Variants in CDKL5 observed in about 807,000 individuals in gnomAD.
CDKL5 encodes the protein cyclin-dependent kinase-like 5.
Under a neutral mutation model 61.7 loss-of-function variants are expected in CDKL5, and 8 were observed. The ratio of observed to expected loss-of-function variants is 0.13; its 90% CI spans 0.08 to 0.23. The LOEUF (loss-of-function observed/expected upper bound fraction) is 0.23, where lower values mean the gene tolerates loss of function less well. Among genes scored for constraint, CDKL5 ranks in the 10% least tolerant of loss-of-function variants. The pLI is 1.00. For synonymous variants in CDKL5, 275 were observed against 272.3 expected (o/e 1.01, Z -0.10); for missense variants, 440 against 734.5 (o/e 0.60, Z 4.63).
At chrX:18,447,405 C>T (rs1416511067) in intron 1 of CDKL5, among the ~76,000 whole-genome samples, 1 of 111,773 alleles carries the variant, frequency 8.9e-6, no homozygotes, top group Non-Finnish European at 1.9e-5. Context: ...CTCACTGAAA[C>T]TTCTGAAAGA....
intron 2 of CDKL5, among the ~76,000 whole-genome samples, chrX:18,507,953 A>C (rs1922645555): frequency 9.0e-6 from 1 of 111,517 alleles, no homozygotes; most frequent in Non-Finnish European, 1.9e-5. Flanking sequence ...ATAGTACATA[A>C]AATAATGCTC....
intron 16 of CDKL5, chrX:18,624,078 T>G: frequency 2.1e-6 from 1 of 485,522 alleles, no homozygotes; most frequent in South Asian, 1.1e-4. Flanking sequence ...GCATGTCTTA[T>G]TTTCATGAGG....
chrX:18,587,738 T>C (rs1925687172), intron 8 of CDKL5: 4 of 429,719 alleles, frequency 9.3e-6, no homozygotes, highest in Middle Eastern at 6.5e-4. Flanking sequence ...AATTAGTGTA[T>C]ACTAACTAAA....
intron 1 of CDKL5, among the ~76,000 whole-genome samples, chrX:18,471,541 G>A (rs1334502740): frequency 9.1e-6 from 1 of 109,388 alleles, no homozygotes; most frequent in Admixed American, 9.9e-5. Context: ...CCCAGCTAAT[G>A]TTTGTAATTT....
At chrX:18,441,552 TG>T (rs1381750665) in intron 1 of CDKL5, among the ~76,000 whole-genome samples, 1 of 111,504 alleles carries the variant, frequency 9.0e-6, no homozygotes, top group Non-Finnish European at 1.9e-5. Context: ...TGGGTGGTGG[TG>T]GGGGGGCTTA....
chrX:18,463,005 C>G (rs1387614072), intron 1 of CDKL5, among the ~76,000 whole-genome samples: 1 of 110,221 alleles, frequency 9.1e-6, no homozygotes, highest in South Asian at 3.9e-4. Context: ...GCCTGGGTGA[C>G]GGAGCAAGAC....
At chrX:18,545,289 G>A (rs1202781269) in intron 3 of CDKL5, among the ~76,000 whole-genome samples, 1 of 111,184 alleles carries the variant, frequency 9.0e-6, no homozygotes, top group Non-Finnish European at 1.9e-5. Context: ...TTTTTGTTTG[G>A]TTGCTTAGGG....
intron 1 of CDKL5, among the ~76,000 whole-genome samples, chrX:18,454,612 A>G (rs894638685): frequency 9.1e-6 from 1 of 110,266 alleles, no homozygotes; most frequent in African/African-American, 3.3e-5. Context: ...GCTGGAGCGC[A>G]GTGGCGTGAT....
rs111970258 is a variant in CDKL5, at chrX:18,566,227, C to T, written c.145+1705C>T. 7.6e-3 allele frequency among the ~76,000 whole-genome samples: 852 copies of T among 112,036 alleles called. 7 individuals are homozygous for T. Among genetic ancestry groups the T allele is most frequent in the African/African-American group, 0.026 (799 of 30,871 alleles). On this transcript the variant is annotated intron_variant, in intron 4 of 17. Coordinates refer to ENST00000623535, the MANE Select transcript of CDKL5 (RefSeq NM_001323289.2). ...AGTGCAGTGGCGCAATCTTGGCTCA[C>T]TGCAACCTCCACTCCCCGGGCTCAA...
chrX:18,504,020 CT>C (rs1922478601), intron 1 of CDKL5, among the ~76,000 whole-genome samples: 1 of 111,729 alleles, frequency 9.0e-6, no homozygotes. Context: ...TCCCAAAGTG[CT>C]GGGATTATGG....
At chrX:18,433,064 C>CA (rs972652881) in intron 1 of CDKL5, among the ~76,000 whole-genome samples, 1 of 105,481 alleles carries the variant, frequency 9.5e-6, no homozygotes, top group African/African-American at 3.5e-5. Flanking sequence ...CCCATCTCTA[C>CA]AAAAAATACA....
Position 18,632,560 on chromosome X carries a change from C to T in CDKL5, c.*3803C>T, listed in dbSNP as rs889803461. ...CAGACCAATTAGAAGCAAAAAAGTC[C>T]GTATTGGTGGTTGTGATGTGGCTGT... is the stretch of plus-strand genomic sequence containing the variant. On this transcript the variant is annotated 3_prime_UTR_variant, in exon 18 of 18. Coordinates refer to ENST00000623535, the MANE Select transcript of CDKL5 (RefSeq NM_001323289.2). 12 of 752,442 alleles carry T rather than the reference C, an allele frequency of 1.6e-5. No homozygotes were observed. In the African/African-American group the frequency reaches 2.5e-4, roughly 16 times the overall value. The allele number at this position is 752,442 out of a possible 1,213,427, so 62.0% of individuals were successfully genotyped here. A position where few individuals can be genotyped will look rare whatever the true frequency, so the allele number is the denominator to read the frequency against.
At chrX:18,600,250 C>G (rs1788932358) in intron 11 of CDKL5, among the ~76,000 whole-genome samples, 1 of 112,148 alleles carries the variant, frequency 8.9e-6, no homozygotes, top group Non-Finnish European at 1.9e-5. Flanking sequence ...GCTGTTTACT[C>G]TTCTTGAAAA....
intron 1 of CDKL5, among the ~76,000 whole-genome samples, chrX:18,484,239 G>A (rs1371642617): frequency 8.9e-6 from 1 of 112,337 alleles, no homozygotes; most frequent in African/African-American, 3.2e-5. Flanking sequence ...AGTTGGTATT[G>A]TGGAACTATA....
At chrX:18,597,063 A>T (rs1002686520) in intron 10 of CDKL5, among the ~76,000 whole-genome samples, 5 of 111,147 alleles carry the variant, frequency 4.5e-5, no homozygotes, top group African/African-American at 9.8e-5. Context: ...CCAGATGTAG[A>T]TAGAGAAAAT....
At chrX:18,587,063 T>G (rs1255196136) in intron 8 of CDKL5, among the ~76,000 whole-genome samples, 2 of 112,421 alleles carry the variant, frequency 1.8e-5, no homozygotes, top group Non-Finnish European at 1.9e-5. Flanking sequence ...CATTTTAGCA[T>G]TCCAAAATTT....
chrX:18,528,338 C>G (rs747866575), intron 3 of CDKL5, among the ~76,000 whole-genome samples: 53 of 103,196 alleles, frequency 5.1e-4, no homozygotes, highest in African/African-American at 1.7e-3. Context: ...TTTCTGTTTG[C>G]AGTTATATCA....
chrX:18,615,451 T>C lies in CDKL5; in HGVS notation c.2276+2176T>C, dbSNP rs147134083. Reference sequence around the variant, plus strand: ...CGAGGGGATGGAGACAGGGTCTGGCTCTGTTGCCCAGGCTGTAATGCAGTG... The same window carrying C: ...CGAGGGGATGGAGACAGGGTCTGGCCCTGTTGCCCAGGCTGTAATGCAGTG... On this transcript the variant is annotated intron_variant, in intron 15 of 17. Coordinates refer to ENST00000623535, the MANE Select transcript of CDKL5 (RefSeq NM_001323289.2). 2.7e-3 allele frequency among the ~76,000 whole-genome samples: 303 copies of C among 112,238 alleles called. 2 individuals are homozygous for C. Among genetic ancestry groups the C allele is most frequent in the South Asian group, 4.5e-3 (12 of 2,693 alleles).
In CDKL5 at chrX:18,632,130, C is replaced by T. The variant is rs1927254564; in HGVS notation, c.*3373C>T. ...CCTACACCATCCCAAGCCCACCAGTCTGCAGAGCTTGGCTCTGGCCTTGTT... is the reference window on the plus strand; with the variant it reads ...CCTACACCATCCCAAGCCCACCAGTTTGCAGAGCTTGGCTCTGGCCTTGTT... On this transcript the variant is annotated 3_prime_UTR_variant, in exon 18 of 18. Transcript: ENST00000623535. The T allele has an allele frequency of 1.3e-6, 1 of 752,750 alleles. No homozygotes were observed. The highest frequency in any genetic ancestry group is 2.3e-5 in the African/African-American group (1 of 43,378). The allele number at this position is 752,750 out of a possible 1,213,427, so 62.0% of individuals were successfully genotyped here. A position where few individuals can be genotyped will look rare whatever the true frequency, so the allele number is the denominator to read the frequency against.
Sources: gnomAD v4.1 joint callset for allele counts (sites outside exome capture counted in the v4.1 genomes callset) on GRCh38, gnomAD v4.1.1 for gene constraint, MANE v1.5 for transcripts, NCBI Gene and HGNC (gene_info 2026-07-23, HGNC 2026-07-21) for gene names.